Variants in ADAMTSL1 observed in about 807,000 individuals in gnomAD.
ADAMTSL1 encodes the protein ADAMTS-like protein 1.
A neutral mutation model predicts 201.8 loss-of-function variants in ADAMTSL1; 126 were observed. The observed-to-expected ratio is 0.62, with a 90% confidence interval of 0.54 to 0.72. The LOEUF is 0.72. Among genes scored for constraint, ADAMTSL1 ranks in the 30% least tolerant of loss-of-function variants. The pLI is 0.00. For synonymous variants in ADAMTSL1, 1,121 were observed against 903.4 expected (o/e 1.24, Z -4.32); for missense variants, 2,679 against 2,277.8 (o/e 1.18, Z -3.59).
chr9:18,090,293 A>G (rs1169774705), intron 1 of ADAMTSL1, among the ~76,000 whole-genome samples: 3 of 152,212 alleles, frequency 2.0e-5, no homozygotes, highest in East Asian at 1.9e-4. Context: ...ATAGATATTT[A>G]TAAATGAATG....
rs372078438 is a variant in ADAMTSL1, at chr9:18,424,606, A to C, written c.208-80223A>C. ...GCAAGAATAAAAACACCAAACATAT[A>C]CAAGGGGAAGAAAGCTGTGCCCATA... On this transcript the variant is annotated intron_variant, in intron 2 of 29. Coordinates refer to the ADAMTSL1 transcript ENST00000680146. Among the ~76,000 whole-genome samples, 19 of 152,316 alleles carry C rather than the reference A, an allele frequency of 1.2e-4. 1 individual carries two copies. Among genetic ancestry groups the C allele is most frequent in the African/African-American group, 4.6e-4 (19 of 41,576 alleles).
chr9:18,289,135 GTCTA>G (rs10622385), intron 2 of ADAMTSL1, among the ~76,000 whole-genome samples: 2,553 of 145,292 alleles, frequency 0.018, 49 homozygotes, highest in Middle Eastern at 0.024. Flanking sequence ...ATATATGTCT[GTCTA>G]TCTATCTATC....
intron 10 of ADAMTSL1, among the ~76,000 whole-genome samples, chr9:18,679,131 A>C (rs1830298360): frequency 6.6e-6 from 1 of 152,210 alleles, no homozygotes; most frequent in Non-Finnish European, 1.5e-5. Flanking sequence ...ATTCAGGCTC[A>C]TGCAGAAGAG....
intron 1 of ADAMTSL1, among the ~76,000 whole-genome samples, chr9:18,008,811 C>T (rs1819938345): frequency 1.3e-5 from 2 of 151,956 alleles, no homozygotes; most frequent in Non-Finnish European, 2.9e-5. Context: ...ACTTTAACTA[C>T]CTCATTTGGG....
intron 2 of ADAMTSL1, among the ~76,000 whole-genome samples, chr9:18,185,014 A>C (rs1350563644): frequency 1.3e-5 from 2 of 152,130 alleles, no homozygotes; most frequent in Non-Finnish European, 2.9e-5. Flanking sequence ...TGGCACCAGA[A>C]GTCTTTTGTA....
chr9:18,778,176 G>T (rs1422285721), intron 19 of ADAMTSL1, among the ~76,000 whole-genome samples: 1 of 152,230 alleles, frequency 6.6e-6, no homozygotes, highest in Non-Finnish European at 1.5e-5. Context: ...GGATCCCAAA[G>T]ATAAATGAGA....
intron 2 of ADAMTSL1, among the ~76,000 whole-genome samples, chr9:18,193,489 G>GCT (rs1359812196): frequency 1.3e-5 from 2 of 151,736 alleles, no homozygotes; most frequent in African/African-American, 2.4e-5. Flanking sequence ...TCCTCTTCTG[G>GCT]CTCTCTCTCT....
chr9:18,351,334 G>C (rs1316538626), intron 2 of ADAMTSL1, among the ~76,000 whole-genome samples: 1 of 151,944 alleles, frequency 6.6e-6, no homozygotes, highest in Non-Finnish European at 1.5e-5. Context: ...TTTGCCAAAG[G>C]TGTTTAAGCT....
At chr9:18,587,707 C>T (rs1268351694) in intron 4 of ADAMTSL1, among the ~76,000 whole-genome samples, 2 of 152,148 alleles carry the variant, frequency 1.3e-5, no homozygotes, top group East Asian at 1.9e-4. Flanking sequence ...CACTTTTTAG[C>T]TCCCACATAT....
intron 13 of ADAMTSL1, among the ~76,000 whole-genome samples, chr9:18,702,590 G>A (rs1257166301): frequency 1.3e-5 from 2 of 152,270 alleles, no homozygotes; most frequent in East Asian, 1.9e-4. Flanking sequence ...AGGCCAGCCA[G>A]AAGCATTAAT....
intron 15 of ADAMTSL1, 57 bp downstream of exon 15, chr9:18,721,722 C>T: frequency 6.3e-7 from 1 of 1,576,254 alleles, no homozygotes; most frequent in Non-Finnish European, 8.6e-7. Context: ...CTGGGCGCAT[C>T]TTTCAGTGGG....
At chr9:18,737,509 C>G (rs896221820) in intron 15 of ADAMTSL1, among the ~76,000 whole-genome samples, 2 of 152,020 alleles carry the variant, frequency 1.3e-5, no homozygotes, top group African/African-American at 4.8e-5. Context: ...TGGTGCATGT[C>G]AAACTCTCAT....
At chr9:18,005,521 C>G (rs965194410) in intron 1 of ADAMTSL1, among the ~76,000 whole-genome samples, 1 of 152,060 alleles carries the variant, frequency 6.6e-6, no homozygotes, top group Non-Finnish European at 1.5e-5. Flanking sequence ...TCAGCCCCAA[C>G]AGGTCCCTTA....
At chr9:18,889,036 G>A (rs1323861735) in intron 24 of ADAMTSL1, among the ~76,000 whole-genome samples, 1 of 152,174 alleles carries the variant, frequency 6.6e-6, no homozygotes, top group Non-Finnish European at 1.5e-5. Context: ...GACCCCCAAA[G>A]CAACTGGCTT....
intron 2 of ADAMTSL1, among the ~76,000 whole-genome samples, chr9:18,339,055 G>A (rs1026869442): frequency 2.6e-5 from 4 of 152,074 alleles, no homozygotes; most frequent in Non-Finnish European, 5.9e-5. Context: ...CCATGTCTTT[G>A]CTATAGTGAA....
At chr9:18,482,861 C>T (rs1000542195) in intron 1 of ADAMTSL1, among the ~76,000 whole-genome samples, 4 of 152,142 alleles carry the variant, frequency 2.6e-5, no homozygotes, top group African/African-American at 9.7e-5. Flanking sequence ...TCAGAACTAG[C>T]CGGTTCTTTT....
chr9:17,941,494 G>C (rs940348995), intron 1 of ADAMTSL1, among the ~76,000 whole-genome samples: 1 of 151,986 alleles, frequency 6.6e-6, no homozygotes, highest in Non-Finnish European at 1.5e-5. Flanking sequence ...TTTCTTAGTT[G>C]ATACAATCTC....
At chr9:18,363,120 G>A (rs948923588) in intron 2 of ADAMTSL1, among the ~76,000 whole-genome samples, 5 of 152,198 alleles carry the variant, frequency 3.3e-5, no homozygotes, top group African/African-American at 4.8e-5. Flanking sequence ...AACTGACGAT[G>A]GAACCAGAAA....
At chr9:18,333,871 G>T (rs1835128119) in intron 2 of ADAMTSL1, among the ~76,000 whole-genome samples, 1 of 152,090 alleles carries the variant, frequency 6.6e-6, no homozygotes, top group African/African-American at 2.4e-5. Context: ...ACACCCTTGA[G>T]AATCTAACTA....
Sources: gnomAD v4.1 joint callset for allele counts (sites outside exome capture counted in the v4.1 genomes callset) on GRCh38, gnomAD v4.1.1 for gene constraint, MANE v1.5 for transcripts, NCBI Gene and HGNC (gene_info 2026-07-23, HGNC 2026-07-21) for gene names.